IDE: variants seen among roughly 807,000 people sequenced by gnomAD.
IDE encodes the protein insulin-degrading enzyme.
In IDE, 58 loss-of-function variants were observed where a neutral mutation model predicts 133.2. That is an observed-to-expected ratio of 0.44 (90% CI 0.35 to 0.54). IDE has a LOEUF of 0.54. Ranked by LOEUF, IDE falls within the 20% of genes least tolerant of loss-of-function variation. The pLI is 0.00. For synonymous variants in IDE, 396 were observed against 421.3 expected (o/e 0.94, Z 0.73); for missense variants, 981 against 1,234.0 (o/e 0.79, Z 3.07).
In IDE at chr10:92,456,410, G is replaced by C. The variant is rs1225186959; in HGVS notation, c.2845C>G (p.Pro949Ala). 2 of 1,613,536 alleles carry C rather than the reference G, an allele frequency of 1.2e-6. No homozygotes were observed. Among genetic ancestry groups the C allele is most frequent in the Non-Finnish European group, 1.7e-6 (2 of 1,179,560 alleles). The change falls in exon 23 of 25, where the codon CCA becomes GCA. Residue 949 changes from proline to alanine, a missense_variant. By Grantham distance (27) the Pro-to-Ala change is conservative. Transcript: ENST00000265986. ...FYKEMLAVDAPRRHKVSVHVL... is the reference protein window; with the variant it reads ...FYKEMLAVDAARRHKVSVHVL... ...TGGACGGATACCTTATGTCTCCTTG[G>C]AGCATCTACTGCCAACATTTCCTAG...
chr10:92,484,657 T>G (rs2135431446), intron 13 of IDE, among the ~76,000 whole-genome samples: 2 of 150,606 alleles, frequency 1.3e-5, no homozygotes, highest in Middle Eastern at 7.0e-3. Flanking sequence ...AGCTTGAACC[T>G]GGGAGGCAGA....
At chr10:92,470,593 G>C (rs757162995) in intron 17 of IDE, among the ~76,000 whole-genome samples, 2 of 151,740 alleles carry the variant, frequency 1.3e-5, no homozygotes, top group Non-Finnish European at 2.9e-5. Context: ...TTTTATTCCA[G>C]GATTTGATCC....
chr10:92,493,912 T>C (rs1445827023), intron 11 of IDE, among the ~76,000 whole-genome samples: 1 of 152,104 alleles, frequency 6.6e-6, no homozygotes, highest in African/African-American at 2.4e-5. Flanking sequence ...TATAGATACC[T>C]ATGAACCAGA....
intron 15 of IDE, among the ~76,000 whole-genome samples, chr10:92,478,377 A>T (rs1846397788): frequency 6.6e-6 from 1 of 152,198 alleles, no homozygotes; most frequent in African/African-American, 2.4e-5. Flanking sequence ...AAAGAACAAT[A>T]TGCTTTCAGG....
In IDE at chr10:92,558,137, C is replaced by A. The variant is rs534167977; in HGVS notation, c.98+15785G>T. On this transcript the variant is annotated intron_variant, in intron 1 of 24. Coordinates refer to ENST00000265986, the MANE Select transcript of IDE (RefSeq NM_004969.4). ...GCGTGATCTCAGCTCACCGCAACGT[C>A]CACCTCCCGGGTTCAAGCGATTCTC... Among the ~76,000 whole-genome samples, 146 of 152,272 alleles carry A rather than the reference C, an allele frequency of 9.6e-4. 1 individual carries two copies. Among genetic ancestry groups the A allele is most frequent in the Non-Finnish European group, 2.9e-5 (2 of 68,024 alleles).
intron 20 of IDE, among the ~76,000 whole-genome samples, chr10:92,465,420 T>C (rs1845628251): frequency 6.6e-6 from 1 of 152,166 alleles, no homozygotes; most frequent in Non-Finnish European, 1.5e-5. Flanking sequence ...AGTATCCTTT[T>C]CCCCCACCTA....
chr10:92,569,373 C>A (rs1261256970), intron 1 of IDE, among the ~76,000 whole-genome samples: 3 of 152,206 alleles, frequency 2.0e-5, no homozygotes, highest in Non-Finnish European at 4.4e-5. Flanking sequence ...GTTTATTAAT[C>A]TGATGTGATG....
intron 4 of IDE, among the ~76,000 whole-genome samples, chr10:92,516,215 T>C (rs1848920622): frequency 6.7e-6 from 1 of 149,968 alleles, no homozygotes. Flanking sequence ...ACTTCTTGGC[T>C]GGGCTCAGTG....
At chr10:92,457,836 C>A (rs1202727299) in intron 22 of IDE, among the ~76,000 whole-genome samples, 1 of 152,074 alleles carries the variant, frequency 6.6e-6, no homozygotes, top group Non-Finnish European at 1.5e-5. Flanking sequence ...CCCGTGGCTC[C>A]CCACTCTACT....
chr10:92,533,092 C>T (rs746015425), intron 3 of IDE, among the ~76,000 whole-genome samples: 50 of 152,084 alleles, frequency 3.3e-4, no homozygotes, highest in Non-Finnish European at 2.6e-4. Flanking sequence ...TAGCTACATA[C>T]CAAAGCTGGA....
Position 92,458,490 on chromosome 10 carries a change from GTTTTTTTTTTTTTT to G in IDE, c.2824-2073_2824-2060del, listed in dbSNP as rs71028821. Among the ~76,000 whole-genome samples the G allele has an allele frequency of 7.2e-3, 604 of 83,902 alleles. 6 individuals are homozygous for G. Among genetic ancestry groups the G allele is most frequent in the African/African-American group, 0.025 (451 of 17,980 alleles). The allele number at this position is 83,902 out of a possible 152,430, so 55.0% of individuals were successfully genotyped here. On this transcript the variant is annotated intron_variant, in intron 22 of 24. Coordinates refer to ENST00000265986, the MANE Select transcript of IDE (RefSeq NM_004969.4). ...AGGCCTGGTTATAAATACTCTCTCT[GTTTTTTTTTTTTTT>G]TTTTTTTTTTTTTTTGAGATGGAGT...
chr10:92,498,427 A>C (rs1358863272), intron 11 of IDE, among the ~76,000 whole-genome samples: 1 of 142,140 alleles, frequency 7.0e-6, no homozygotes, highest in African/African-American at 2.6e-5. Flanking sequence ...GTTTGAGACC[A>C]GCCTGGCCAA....
At chr10:92,487,353 A>C in intron 12 of IDE, 35 bp from the exon 13 acceptor site, 1 of 1,588,812 alleles carries the variant, frequency 6.3e-7, no homozygotes, top group Non-Finnish European at 8.6e-7. Context: ...ATGCAGTAAG[A>C]GTCTGATTTA....
intron 3 of IDE, 64 bp downstream of exon 3, chr10:92,534,514 T>G: frequency 1.1e-6 from 1 of 907,286 alleles, no homozygotes; most frequent in Non-Finnish European, 1.7e-6. Flanking sequence ...GTGGAAATAA[T>G]AATTATTATT....
chr10:92,569,643 C>T (rs1843698166), intron 1 of IDE, among the ~76,000 whole-genome samples: 1 of 151,978 alleles, frequency 6.6e-6, no homozygotes, highest in Non-Finnish European at 1.5e-5. Context: ...CATTTTCAAG[C>T]TAAACTGAAA....
chr10:92,491,519 C>A (rs973116463), intron 11 of IDE, among the ~76,000 whole-genome samples: 3 of 152,154 alleles, frequency 2.0e-5, no homozygotes, highest in African/African-American at 7.2e-5. Flanking sequence ...ACCACTGTAA[C>A]CTCTGCCTCC....
chr10:92,490,539 T>C lies in IDE; in HGVS notation c.1487A>G (p.Tyr496Cys), dbSNP rs1372524227. Reference protein sequence around the residue: ...EGKTDRTEEWYGTQYKQEAIP... With the variant: ...EGKTDRTEEWCGTQYKQEAIP... ...AGCTTCTTGTTTGTACTGGGTTCCA[T>C]ACCACTCTTCTGTGCGATCAGTTTT... The change falls in exon 12 of 25, where the codon TAT (tyrosine) becomes TGT (cysteine). Residue 496 changes from tyrosine to cysteine, a missense_variant. Around this residue, in one of 2 missense-constraint regions of IDE, gnomAD observed 660 missense variants for 894.7 expected, o/e 0.74. Transcript: ENST00000265986. 1 of 1,613,050 alleles carries C rather than the reference T, an allele frequency of 6.2e-7. No homozygotes were observed. The highest frequency in any genetic ancestry group is 1.3e-5 in the African/African-American group (1 of 74,918).
At chr10:92,544,691 G>A (rs7915349) in intron 1 of IDE, among the ~76,000 whole-genome samples, 5,406 of 152,162 alleles carry the variant, frequency 0.036, 365 homozygotes, top group African/African-American at 0.12. Context: ...ATTAAACTAG[G>A]TCAAAATAAA....
intron 17 of IDE, among the ~76,000 whole-genome samples, chr10:92,474,105 C>T (rs1358888557): frequency 6.6e-6 from 1 of 152,096 alleles, no homozygotes; most frequent in Non-Finnish European, 1.5e-5. Context: ...GCTCTGTCAT[C>T]CAAGCTGGAG....
Sources: allele counts gnomAD v4.1 joint callset (sites outside exome capture counted in the v4.1 genomes callset), GRCh38; gene constraint gnomAD v4.1.1; regional missense constraint gnomAD v4.1.1; transcripts MANE v1.5; gene names NCBI Gene and HGNC (gene_info 2026-07-23, HGNC 2026-07-21).